Variants in ATXN1 observed in about 807,000 individuals in gnomAD.
ATXN1 encodes ataxin 1.
ATXN1 carries 8 observed loss-of-function variants against 56.4 expected under a neutral mutation model. The observed-to-expected ratio is 0.14, with a 90% CI of 0.08 to 0.26. ATXN1 has a LOEUF of 0.26. Among genes scored for constraint, ATXN1 ranks in the 10% least tolerant of loss-of-function variants. The pLI is 1.00. For synonymous variants in ATXN1, 514 were observed against 494.6 expected, an observed-to-expected ratio of 1.04 and a Z score of -0.52; for missense variants, 987 against 1,106.5, an observed-to-expected ratio of 0.89 and a Z score of 1.53.
intron 6 of ATXN1, among the ~76,000 whole-genome samples, chr6:16,443,411 T>G (rs1759564232): frequency 6.6e-6 from 1 of 152,124 alleles, no homozygotes; most frequent in African/African-American, 2.4e-5. Flanking sequence ...CAAGAATCAC[T>G]TTTCAAAAGC....
chr6:16,687,657 TACACACACACACACAC>T (rs57034032), intron 2 of ATXN1, among the ~76,000 whole-genome samples: 2 of 143,294 alleles, frequency 1.4e-5, no homozygotes, highest in Admixed American at 7.0e-5. Flanking sequence ...AAAGAAGAAA[TACACACACACACACAC>T]ACACACACAC....
At chr6:16,408,168 C>T (rs1402349816) in intron 6 of ATXN1, among the ~76,000 whole-genome samples, 1 of 152,086 alleles carries the variant, frequency 6.6e-6, no homozygotes, top group Non-Finnish European at 1.5e-5. Context: ...AGAACTTTCA[C>T]CACTCAGGAA....
chr6:16,460,732 T>C (rs1759975963), intron 6 of ATXN1, among the ~76,000 whole-genome samples: 1 of 152,166 alleles, frequency 6.6e-6, no homozygotes. Context: ...TTAACCTATA[T>C]ACCGATGGAA....
chr6:16,389,494 T>C (rs1758309705), intron 6 of ATXN1, among the ~76,000 whole-genome samples: 1 of 152,042 alleles, frequency 6.6e-6, no homozygotes, highest in African/African-American at 2.4e-5. Context: ...TTTGACTTCC[T>C]TTTGCCTTGA....
chr6:16,579,346 A>G (rs1250819938), intron 4 of ATXN1, among the ~76,000 whole-genome samples: 1 of 152,032 alleles, frequency 6.6e-6, no homozygotes, highest in East Asian at 1.9e-4. Context: ...TTCCACAGGG[A>G]CTTCAAAGTC....
chr6:16,454,626 T>C (rs1759829681), intron 6 of ATXN1, among the ~76,000 whole-genome samples: 1 of 152,244 alleles, frequency 6.6e-6, no homozygotes, highest in South Asian at 2.1e-4. Flanking sequence ...GTACATGTAA[T>C]TGTATTATAC....
intron 3 of ATXN1, among the ~76,000 whole-genome samples, chr6:16,639,993 A>G (rs997017695): frequency 6.6e-6 from 1 of 152,144 alleles, no homozygotes; most frequent in East Asian, 1.9e-4. Context: ...GAAAGGACAC[A>G]TCAGTTGAAA....
chr6:16,554,149 GA>G (rs1429122968), intron 4 of ATXN1, among the ~76,000 whole-genome samples: 14 of 152,258 alleles, frequency 9.2e-5, no homozygotes, highest in Admixed American at 9.2e-4. Context: ...TGATGTAATC[GA>G]GGGACAAAAA....
intron 3 of ATXN1, among the ~76,000 whole-genome samples, chr6:16,631,587 G>A (rs1388990989): frequency 6.6e-6 from 1 of 152,120 alleles, no homozygotes; most frequent in Non-Finnish European, 1.5e-5. Flanking sequence ...CTGAAATAAA[G>A]TCTCCAGGAT....
intron 7 of ATXN1, among the ~76,000 whole-genome samples, chr6:16,310,872 CCA>C (rs1447913685): frequency 6.6e-6 from 1 of 152,190 alleles, no homozygotes; most frequent in Admixed American, 6.5e-5. Flanking sequence ...TAGTAGATTT[CCA>C]CAGATTGTTG....
intron 3 of ATXN1, among the ~76,000 whole-genome samples, chr6:16,651,646 C>T (rs1446104516): frequency 6.6e-6 from 1 of 151,936 alleles, no homozygotes; most frequent in East Asian, 1.9e-4. Context: ...ACCCTGGAGC[C>T]CATAAACGTA....
intron 3 of ATXN1, among the ~76,000 whole-genome samples, chr6:16,639,904 C>T (rs1368276215): frequency 6.6e-6 from 1 of 152,146 alleles, no homozygotes; most frequent in African/African-American, 2.4e-5. Context: ...CACCAATTCT[C>T]CAACAGTAGG....
chr6:16,685,435 G>A (rs1413441574), intron 2 of ATXN1, among the ~76,000 whole-genome samples: 7 of 151,988 alleles, frequency 4.6e-5, no homozygotes, highest in South Asian at 2.1e-4. Context: ...GAGTTCCCCC[G>A]CCCACAGACT....
intron 6 of ATXN1, among the ~76,000 whole-genome samples, chr6:16,427,154 T>C (rs1205806987): frequency 6.6e-6 from 1 of 152,182 alleles, no homozygotes; most frequent in Non-Finnish European, 1.5e-5. Context: ...AGACATCCCT[T>C]CCCAAGCATT....
At chr6:16,751,909 C>G (rs992997513) in intron 2 of ATXN1, among the ~76,000 whole-genome samples, 1 of 152,222 alleles carries the variant, frequency 6.6e-6, no homozygotes, top group African/African-American at 2.4e-5. Context: ...CCAGTCCATC[C>G]TCACAGCAGC....
At chr6:16,745,518 A>G (rs1389891407) in intron 2 of ATXN1, among the ~76,000 whole-genome samples, 1 of 152,246 alleles carries the variant, frequency 6.6e-6, no homozygotes, top group African/African-American at 2.4e-5. Context: ...AACAACACAT[A>G]AAAATGAACT....
At chr6:16,371,977 T>C (rs1012873206) in intron 6 of ATXN1, among the ~76,000 whole-genome samples, 1 of 152,214 alleles carries the variant, frequency 6.6e-6, no homozygotes, top group Non-Finnish European at 1.5e-5. Flanking sequence ...TCATGTGTTA[T>C]TGTAAAATTT....
intron 3 of ATXN1, among the ~76,000 whole-genome samples, chr6:16,641,581 T>C (rs1469721393): frequency 6.6e-6 from 1 of 152,236 alleles, no homozygotes; most frequent in Non-Finnish European, 1.5e-5. Flanking sequence ...TTCAAAATAT[T>C]ACTGCTTATT....
chr6:16,704,522 GAAAGTA>G (rs1312605736), intron 2 of ATXN1, among the ~76,000 whole-genome samples: 1 of 152,230 alleles, frequency 6.6e-6, no homozygotes, highest in Non-Finnish European at 1.5e-5. Context: ...CTAAGCTGAT[GAAAGTA>G]AATGTCCTTT....
Sources: allele counts gnomAD v4.1 joint callset (sites outside exome capture counted in the v4.1 genomes callset), GRCh38; gene constraint gnomAD v4.1.1; transcripts MANE v1.5; gene names NCBI Gene and HGNC (gene_info 2026-07-23, HGNC 2026-07-21).